The following NCBP1 variants were observed in gnomAD, a reference collection of about 807,000 sequenced individuals.
The protein encoded by NCBP1 is nuclear cap binding protein subunit 1, also known as nuclear cap-binding protein subunit 1.
Under a neutral mutation model 111.7 loss-of-function variants are expected in NCBP1, and 16 were observed. The observed-to-expected ratio is 0.14, with a 90% CI of 0.10 to 0.22. NCBP1 has a LOEUF of 0.22. Among genes scored for constraint, NCBP1 ranks in the 10% least tolerant of loss-of-function variants. The probability of loss-of-function intolerance (pLI) is 1.00; values close to 1 mark genes in which losing one functional copy is unlikely to be tolerated. For missense variants in NCBP1, 607 were observed against 957.5 expected, an observed-to-expected ratio of 0.63 and a Z score of 4.83; for synonymous variants, 304 against 314.3, an observed-to-expected ratio of 0.97 and a Z score of 0.35.
chr9:97,649,652 T>C (rs187028725), intron 8 of NCBP1, among the ~76,000 whole-genome samples: 158 of 152,326 alleles, frequency 1.0e-3, no homozygotes, highest in Middle Eastern at 3.4e-3. Flanking sequence ...CCAAATACTT[T>C]AGTCAAAATT....
intron 18 of NCBP1, among the ~76,000 whole-genome samples, chr9:97,663,575 C>G (rs991253371): frequency 3.9e-5 from 6 of 151,984 alleles, no homozygotes; most frequent in African/African-American, 9.7e-5. Context: ...ACCTCCGCCT[C>G]CCGGGTTCAA....
chr9:97,667,077 C>A (rs1400735242), intron 20 of NCBP1, among the ~76,000 whole-genome samples, 200 bp downstream of exon 20: 1 of 152,182 alleles, frequency 6.6e-6, no homozygotes, highest in Non-Finnish European at 1.5e-5. Flanking sequence ...TGTTACACTG[C>A]ATGATGAACC....
intron 17 of NCBP1, 83 bp from the exon 18 acceptor site, chr9:97,662,871 A>G (rs1827878143): frequency 1.0e-6 from 1 of 995,718 alleles, no homozygotes; most frequent in East Asian, 2.4e-5. Context: ...TTATAAATTG[A>G]GTAACATTGA....
intron 1 of NCBP1, 38 bp downstream of exon 1, chr9:97,633,953 G>C: frequency 1.9e-6 from 3 of 1,559,900 alleles, no homozygotes; most frequent in South Asian, 2.3e-5. Context: ...GCCGCTCCCG[G>C]TTGGGAGCCG....
chr9:97,657,926 A>T (rs896140990), intron 14 of NCBP1, among the ~76,000 whole-genome samples: 963 of 91,400 alleles, frequency 0.011, 13 homozygotes, highest in South Asian at 0.025. Flanking sequence ...ATATATATAT[A>T]TTTTTTTTTT....
intron 1 of NCBP1, among the ~76,000 whole-genome samples, chr9:97,635,241 A>G (rs956576920): frequency 6.6e-6 from 1 of 152,146 alleles, no homozygotes; most frequent in African/African-American, 2.4e-5. Flanking sequence ...GACTGAGCAT[A>G]ACTAAGATGG....
At chr9:97,642,867 T>A (rs984267422) in intron 3 of NCBP1, among the ~76,000 whole-genome samples, 1 of 152,134 alleles carries the variant, frequency 6.6e-6, no homozygotes, top group Non-Finnish European at 1.5e-5. Flanking sequence ...TATTTTACCA[T>A]GGAAACCATG....
intron 8 of NCBP1, among the ~76,000 whole-genome samples, chr9:97,649,949 T>A (rs1335749150): frequency 4.6e-5 from 7 of 152,050 alleles, no homozygotes; most frequent in African/African-American, 1.7e-4. Flanking sequence ...ACATTAGAAA[T>A]TGTAAAAAAA....
At chr9:97,648,544 G>T (rs992218503) in intron 8 of NCBP1, among the ~76,000 whole-genome samples, 1 of 152,080 alleles carries the variant, frequency 6.6e-6, no homozygotes, top group Non-Finnish European at 1.5e-5. Flanking sequence ...ATTTGGGAAG[G>T]TTATTTACCT....
At chr9:97,636,493 AATT>A (rs1827031048) in intron 1 of NCBP1, among the ~76,000 whole-genome samples, 1 of 30,446 alleles carries the variant, frequency 3.3e-5, no homozygotes. Flanking sequence ...ATATTATATA[AATT>A]TATATTTATA....
chr9:97,657,904 CTCTATA>C (rs1258338531), intron 14 of NCBP1, among the ~76,000 whole-genome samples: 1 of 70,220 alleles, frequency 1.4e-5, no homozygotes, highest in East Asian at 3.3e-4. Context: ...CTCTCTCTCT[CTCTATA>C]TATATATATA....
At chr9:97,663,904 C>T (rs979416564) in intron 18 of NCBP1, among the ~76,000 whole-genome samples, 4 of 151,826 alleles carry the variant, frequency 2.6e-5, no homozygotes, top group Admixed American at 1.3e-4. Context: ...TCAGGCCAGG[C>T]GTGGTGGCTC....
At chr9:97,656,723 A>G (rs901426059) in intron 14 of NCBP1, among the ~76,000 whole-genome samples, 2 of 152,112 alleles carry the variant, frequency 1.3e-5, no homozygotes, top group African/African-American at 2.4e-5. Context: ...CTAGAGACCC[A>G]TTACGTTGGT....
chr9:97,634,576 G>T (rs746283089), intron 1 of NCBP1: 4 of 152,160 alleles, frequency 2.6e-5, no homozygotes, highest in Admixed American at 6.6e-5. Context: ...TCCCATCTCC[G>T]TTTGGATGAT....
At chr9:97,650,234 G>A (rs1366757516) in intron 8 of NCBP1, among the ~76,000 whole-genome samples, 1 of 152,206 alleles carries the variant, frequency 6.6e-6, no homozygotes, top group South Asian at 2.1e-4. Context: ...AAATTATTTA[G>A]TTTCATATAA....
At chr9:97,649,094 C>T (rs916294121) in intron 8 of NCBP1, among the ~76,000 whole-genome samples, 4 of 152,190 alleles carry the variant, frequency 2.6e-5, no homozygotes, top group African/African-American at 4.8e-5. Context: ...TGTGATTATT[C>T]ATATTGTATG....
chr9:97,641,639 G>T lies in NCBP1; in HGVS notation c.201G>T (p.Lys67Asn). ...LEADLPNYKS[K>N]ILRLLCTVAR... Reference sequence around the variant, plus strand: ...CTGATCTTCCTAACTACAAGAGCAAGATCTTAAGGCTTCTTTGTACAGTGT... The same window carrying T: ...CTGATCTTCCTAACTACAAGAGCAATATCTTAAGGCTTCTTTGTACAGTGT... The change falls in exon 3 of 23, where the codon AAG (lysine) becomes AAT (asparagine). Residue 67 changes from lysine to asparagine, a missense_variant. This residue lies in a region of NCBP1 where 185 missense variants were observed against 272.0 expected (regional missense o/e 0.68). Transcript: ENST00000375147. The T allele has an allele frequency of 6.2e-7, 1 of 1,608,184 alleles. No homozygotes were observed.
rs776673057 is a variant in NCBP1 at position 97,669,579 on chromosome 9, T to C, written c.2146-14T>C. 2 of 1,565,814 alleles carry C rather than the reference T, an allele frequency of 1.3e-6. No individual in the cohort carries two copies. Among genetic ancestry groups the C allele is most frequent in the South Asian group, 1.1e-5 (1 of 90,110 alleles). On this transcript the variant is annotated splice_polypyrimidine_tract_variant and intron_variant, in intron 21 of 22. Transcript: ENST00000375147. ...CTGTCTGTAGTACTACCTTAACTTC[T>C]TCTCCCTTTCCAGCGGTTTATCATG...
intron 1 of NCBP1, among the ~76,000 whole-genome samples, chr9:97,635,523 A>C (rs1353620249): frequency 6.7e-6 from 1 of 148,716 alleles, no homozygotes; most frequent in Admixed American, 6.8e-5. Flanking sequence ...TGATCCTCCC[A>C]CCTCAGCCTC....
Sources: gnomAD v4.1 joint callset for allele counts (sites outside exome capture counted in the v4.1 genomes callset) on GRCh38, gnomAD v4.1.1 for gene constraint, gnomAD v4.1.1 regional missense constraint, MANE v1.5 for transcripts, NCBI Gene and HGNC (gene_info 2026-07-23, HGNC 2026-07-21) for gene names.